Variants in ARHGAP26 observed in about 807,000 individuals in gnomAD.
The protein encoded by ARHGAP26 is Rho GTPase activating protein 26, also known as rho GTPase-activating protein 26.
Under a neutral mutation model 104.8 loss-of-function variants are expected in ARHGAP26, and 38 were observed. That is an observed-to-expected ratio of 0.36 (90% CI 0.28 to 0.48). ARHGAP26 has a LOEUF of 0.48. ARHGAP26 is among the 20% of genes least tolerant of loss of function. The pLI, the probability that ARHGAP26 is intolerant of heterozygous loss-of-function variation, is 0.99. For synonymous variants in ARHGAP26, 341 were observed against 340.0 expected (o/e 1.00, Z -0.03); for missense variants, 704 against 947.9 (o/e 0.74, Z 3.38).
At chr5:142,790,580 C>T (rs544609744) in intron 1 of ARHGAP26, among the ~76,000 whole-genome samples, 3 of 150,910 alleles carry the variant, frequency 2.0e-5, no homozygotes, top group South Asian at 2.1e-4. Context: ...TCATACAGTT[C>T]GGACACCTTA....
At chr5:143,109,908 G>A (rs112450008) in intron 17 of ARHGAP26, among the ~76,000 whole-genome samples, 43 of 152,272 alleles carry the variant, frequency 2.8e-4, no homozygotes, top group African/African-American at 1.0e-3. Context: ...TTTTACAGTG[G>A]CCTGCAAAGT....
At chr5:142,917,587 G>A (rs931519765) in intron 10 of ARHGAP26, among the ~76,000 whole-genome samples, 23 of 152,166 alleles carry the variant, frequency 1.5e-4, no homozygotes, top group Admixed American at 1.3e-3. Flanking sequence ...AAGTCCTCCC[G>A]TGACTAAATT....
chr5:143,068,078 C>T lies in ARHGAP26; in HGVS notation c.1538+10331C>T, dbSNP rs141169946. Among the ~76,000 whole-genome samples the T allele has an allele frequency of 3.8e-3, 586 of 152,240 alleles. 3 individuals carry two copies. The highest frequency in any genetic ancestry group is 0.014 in the African/African-American group (567 of 41,550). ...ACTTGGGAGGCTGAGGTACGAGAAT[C>T]GCTTGAGCCCAGGGAGGCAGAGGTT... On this transcript the variant is annotated intron_variant, in intron 17 of 22. Transcript: ENST00000645722.
intron 17 of ARHGAP26, among the ~76,000 whole-genome samples, chr5:143,099,686 A>G (rs1044480867): frequency 3.3e-5 from 5 of 152,208 alleles, no homozygotes; most frequent in African/African-American, 9.7e-5. Context: ...TCCTCTGCTG[A>G]TAAGTCCAAA....
chr5:142,939,537 A>G (rs1280808995), intron 11 of ARHGAP26, among the ~76,000 whole-genome samples: 1 of 152,262 alleles, frequency 6.6e-6, no homozygotes, highest in Non-Finnish European at 1.5e-5. Flanking sequence ...TCCTGGAATA[A>G]ATGGGCAATT....
intron 20 of ARHGAP26, among the ~76,000 whole-genome samples, chr5:143,197,954 G>A (rs1288774983): frequency 6.6e-6 from 1 of 152,166 alleles, no homozygotes; most frequent in Non-Finnish European, 1.5e-5. Flanking sequence ...AAAAGTGAAT[G>A]TCTAGTCCAT....
At chr5:143,142,189 A>AGT (rs1798628149) in intron 19 of ARHGAP26, among the ~76,000 whole-genome samples, 1 of 120,532 alleles carries the variant, frequency 8.3e-6, no homozygotes, top group Non-Finnish European at 1.6e-5. Context: ...TAGGCTGTGG[A>AGT]GTGCAGTGGC....
At chr5:143,066,508 A>T (rs1160386922) in intron 17 of ARHGAP26, among the ~76,000 whole-genome samples, 1 of 152,196 alleles carries the variant, frequency 6.6e-6, no homozygotes, top group Non-Finnish European at 1.5e-5. Context: ...CACCTTCCAT[A>T]AATGTTAATT....
At chr5:143,214,775 T>C (rs1810068671) in intron 22 of ARHGAP26, among the ~76,000 whole-genome samples, 1 of 152,162 alleles carries the variant, frequency 6.6e-6, no homozygotes, top group Admixed American at 6.5e-5. Flanking sequence ...CATGAGGGTC[T>C]CTCCCAGGTC....
chr5:142,871,392 A>G lies in ARHGAP26; in HGVS notation c.155-2008A>G, dbSNP rs914058142. On this transcript the variant is annotated intron_variant, in intron 1 of 22. Transcript: ENST00000645722. This position sits in a 1 kb window ranked among gnomAD's most constrained non-coding sequence, Gnocchi z 4.1. ...GGGAGCTTTCCCGAGCCTGGCTTGC[A>G]TTTCACCTGTTTCCACTTTGTTGAG... 2.0e-5 allele frequency among the ~76,000 whole-genome samples: 3 copies of G among 152,072 alleles called. No homozygotes were observed. The highest frequency in any genetic ancestry group is 1.9e-4 in the East Asian group (1 of 5,194).
chr5:143,190,828 G>A (rs1276630595), intron 20 of ARHGAP26, among the ~76,000 whole-genome samples: 1 of 152,212 alleles, frequency 6.6e-6, no homozygotes, highest in Non-Finnish European at 1.5e-5. Flanking sequence ...AGAACATGGT[G>A]TCCATAGAAT....
At chr5:142,918,404 C>T (rs978372706) in intron 10 of ARHGAP26, among the ~76,000 whole-genome samples, 1 of 152,234 alleles carries the variant, frequency 6.6e-6, no homozygotes, top group African/African-American at 2.4e-5. Context: ...GCCTCGGCCT[C>T]CCGAAGTGCT....
chr5:142,810,410 C>T (rs1027362591), intron 1 of ARHGAP26, among the ~76,000 whole-genome samples: 1 of 152,018 alleles, frequency 6.6e-6, no homozygotes, highest in African/African-American at 2.4e-5. Flanking sequence ...GACTTCAGCC[C>T]CAGGTCAAGT....
chr5:143,214,135 A>T, intron 22 of ARHGAP26, 47 bp downstream of exon 22: 1 of 384,298 alleles, frequency 2.6e-6, no homozygotes, highest in Non-Finnish European at 5.6e-6. Flanking sequence ...GGGCGGGGGC[A>T]AGGGGAGCAC....
chr5:142,875,257 A>G, intron 3 of ARHGAP26, 86 bp downstream of exon 3: 17 of 1,298,356 alleles, frequency 1.3e-5, no homozygotes, highest in Non-Finnish European at 1.7e-5. Flanking sequence ...ACTAGATTCA[A>G]ATCCAGACTC....
intron 1 of ARHGAP26, among the ~76,000 whole-genome samples, chr5:142,831,999 A>G (rs1032597793): frequency 3.3e-5 from 5 of 152,286 alleles, no homozygotes; most frequent in African/African-American, 1.2e-4. Flanking sequence ...GCCATATCAT[A>G]TCCACCCCCA....
chr5:142,903,511 T>C, intron 7 of ARHGAP26, 29 bp from the exon 8 acceptor site: 1 of 1,607,910 alleles, frequency 6.2e-7, no homozygotes, highest in East Asian at 2.2e-5. Context: ...TTTGTTTCTT[T>C]GATTTGAATA....
chr5:142,973,304 T>C (rs17096377), intron 11 of ARHGAP26, among the ~76,000 whole-genome samples: 9,321 of 152,288 alleles, frequency 0.061, 370 homozygotes, highest in African/African-American at 0.12. Context: ...TCCTGTGCAG[T>C]ATTTTCTATG....
rs78525582 is a variant in ARHGAP26, at chr5:143,154,374, C to T, written c.1988+6993C>T. Among the ~76,000 whole-genome samples, 4 of 152,244 alleles carry T rather than the reference C, an allele frequency of 2.6e-5. No individual in the cohort carries two copies. The East Asian group carries it at 7.7e-4, about 29-fold the overall frequency. ...TTTCTCATCTGTAAAATAGTGTGAT[C>T]ATAACCTCCTCAAATAGGTGGCATG... On this transcript the variant is annotated intron_variant, in intron 20 of 22. Coordinates refer to ENST00000645722, the MANE Select transcript of ARHGAP26 (RefSeq NM_001135608.3).
Sources: gnomAD v4.1 joint callset for allele counts (sites outside exome capture counted in the v4.1 genomes callset) on GRCh38, gnomAD v4.1.1 for gene constraint, Gnocchi (gnomAD v3.1) non-coding constraint, MANE v1.5 for transcripts, NCBI Gene and HGNC (gene_info 2026-07-23, HGNC 2026-07-21) for gene names.